The following UVRAG variants were observed in gnomAD, a reference collection of about 807,000 sequenced individuals.
UVRAG encodes the protein UV radiation resistance-associated gene protein.
A neutral mutation model predicts 78.0 loss-of-function variants in UVRAG; 19 were observed. That is an observed-to-expected ratio of 0.24 (90% CI 0.17 to 0.36). UVRAG has a LOEUF of 0.36. UVRAG is among the 10% of genes least tolerant of loss of function. The pLI is 1.00. For missense variants in UVRAG, 740 were observed against 853.8 expected (o/e 0.87, Z 1.66); for synonymous variants, 323 against 324.6 (o/e 1.00, Z 0.05).
intron 3 of UVRAG, among the ~76,000 whole-genome samples, chr11:75,875,891 T>C (rs1344141614): frequency 6.6e-6 from 1 of 152,176 alleles, no homozygotes; most frequent in African/African-American, 2.4e-5. Flanking sequence ...ATGCCAAAAC[T>C]GGCCACGTGC....
intron 12 of UVRAG, among the ~76,000 whole-genome samples, chr11:76,046,734 T>C (rs559475301): frequency 6.6e-6 from 1 of 152,198 alleles, no homozygotes; most frequent in South Asian, 2.1e-4. Flanking sequence ...TGTCAGTAGA[T>C]CATTTTTAAA....
At chr11:75,991,142 A>T (rs1949598314) in intron 8 of UVRAG, among the ~76,000 whole-genome samples, 1 of 152,196 alleles carries the variant, frequency 6.6e-6, no homozygotes, top group Non-Finnish European at 1.5e-5. Context: ...AAAATCATGA[A>T]GCATTATGAT....
intron 2 of UVRAG, among the ~76,000 whole-genome samples, chr11:75,853,362 C>A (rs1357054522): frequency 6.7e-6 from 1 of 149,448 alleles, no homozygotes; most frequent in Non-Finnish European, 1.5e-5. Flanking sequence ...TAATTCCCGC[C>A]CACCCCACCC....
chr11:76,126,221 G>A (rs1281407429), intron 14 of UVRAG, among the ~76,000 whole-genome samples: 8 of 151,920 alleles, frequency 5.3e-5, no homozygotes, highest in African/African-American at 1.5e-4. Context: ...GATTACAGGC[G>A]TGAGCCACCA....
At position 76,115,911 on chromosome 11, in the gene UVRAG, T is replaced by G; in HGVS notation, c.1306-13T>G. The G allele has an allele frequency of 6.2e-7, 1 of 1,613,110 alleles. No homozygotes were observed. Among genetic ancestry groups the G allele is most frequent in the Non-Finnish European group, 8.5e-7 (1 of 1,179,330 alleles). On this transcript the variant is annotated splice_polypyrimidine_tract_variant and intron_variant, in intron 13 of 14. Transcript: ENST00000356136. ...GCCAAAATATCTTTAATTCTATTTT[T>G]TCACCTTCACAGCTAAGATATCAAC...
chr11:76,057,850 G>C (rs963449636), intron 12 of UVRAG, among the ~76,000 whole-genome samples: 1 of 152,054 alleles, frequency 6.6e-6, no homozygotes, highest in Non-Finnish European at 1.5e-5. Context: ...CGATCATGGG[G>C]GAAAAATAGG....
intron 3 of UVRAG, among the ~76,000 whole-genome samples, chr11:75,869,151 C>T (rs1231351641): frequency 2.0e-5 from 3 of 152,200 alleles, no homozygotes; most frequent in Admixed American, 6.5e-5. Context: ...TTCCAGAGCC[C>T]TGCTGTTTTG....
intron 8 of UVRAG, among the ~76,000 whole-genome samples, chr11:75,988,925 G>A (rs896966154): frequency 6.6e-6 from 1 of 152,060 alleles, no homozygotes; most frequent in Admixed American, 6.6e-5. Context: ...GGGGATGGAT[G>A]GTAACGTTAT....
chr11:75,998,446 A>T (rs1163085660), intron 8 of UVRAG, among the ~76,000 whole-genome samples: 1 of 152,134 alleles, frequency 6.6e-6, no homozygotes, highest in Non-Finnish European at 1.5e-5. Flanking sequence ...ATATCCTCAG[A>T]TTTTCCTTCC....
chr11:76,045,860 A>T (rs1950743404), intron 12 of UVRAG, among the ~76,000 whole-genome samples: 1 of 152,196 alleles, frequency 6.6e-6, no homozygotes, highest in African/African-American at 2.4e-5. Context: ...TAATAATGCA[A>T]GAAAATTCTA....
intron 1 of UVRAG, among the ~76,000 whole-genome samples, chr11:75,820,690 C>T (rs1243199673): frequency 6.6e-6 from 1 of 152,160 alleles, no homozygotes; most frequent in African/African-American, 2.4e-5. Context: ...ACATATGGTA[C>T]ATTTGTTAGA....
At chr11:76,033,380 C>A (rs779841950) in intron 12 of UVRAG, among the ~76,000 whole-genome samples, 1 of 152,166 alleles carries the variant, frequency 6.6e-6, no homozygotes, top group East Asian at 1.9e-4. Flanking sequence ...CTAGTAGTCA[C>A]GATATTAATT....
At chr11:76,095,828 G>A (rs936351986) in intron 13 of UVRAG, among the ~76,000 whole-genome samples, 4 of 132,964 alleles carry the variant, frequency 3.0e-5, no homozygotes, top group African/African-American at 8.8e-5. Flanking sequence ...CTGTGATTAC[G>A]CCACTGCACT....
At chr11:75,844,193 T>A (rs1945981781) in intron 1 of UVRAG, among the ~76,000 whole-genome samples, 1 of 152,132 alleles carries the variant, frequency 6.6e-6, no homozygotes, top group Admixed American at 6.6e-5. Context: ...GTTGTTTGTA[T>A]TCTACCGTTA....
chr11:76,133,148 TTTA>T (rs1319018033), intron 14 of UVRAG, among the ~76,000 whole-genome samples: 3 of 152,214 alleles, frequency 2.0e-5, no homozygotes, highest in African/African-American at 7.2e-5. Flanking sequence ...TAGTTGCCGT[TTTA>T]TTATTATTAA....
rs545261705 is a variant in UVRAG, at chr11:76,009,248, T to C, written c.1060+381T>C. ...TTCTGTTATTATTTAGAAAGTCATA[T>C]TACTGCTGACCTGAAAAGTATTTGA... On this transcript the variant is annotated intron_variant, in intron 11 of 14. Transcript: ENST00000356136. Among the ~76,000 whole-genome samples the C allele has an allele frequency of 2.0e-5, 3 of 152,288 alleles. No homozygotes were observed. The East Asian group carries it at 5.8e-4, about 29-fold the overall frequency.
chr11:76,083,212 A>T (rs1190643934), intron 13 of UVRAG, among the ~76,000 whole-genome samples: 3 of 152,280 alleles, frequency 2.0e-5, no homozygotes, highest in Admixed American at 2.0e-4. Flanking sequence ...TTTTGTTATT[A>T]TCCTCATTTT....
intron 5 of UVRAG, among the ~76,000 whole-genome samples, chr11:75,908,238 C>T (rs1261155302): frequency 6.6e-6 from 1 of 152,148 alleles, no homozygotes; most frequent in East Asian, 1.9e-4. Flanking sequence ...AATGTTTTAG[C>T]GTGTGTCAGA....
At chr11:75,893,319 C>G (rs1271898417) in intron 5 of UVRAG, among the ~76,000 whole-genome samples, 1 of 151,722 alleles carries the variant, frequency 6.6e-6, no homozygotes, top group African/African-American at 2.4e-5. Context: ...GGCCACTCTG[C>G]CCAGAAGTAG....
Sources: allele counts gnomAD v4.1 joint callset (sites outside exome capture counted in the v4.1 genomes callset), GRCh38; gene constraint gnomAD v4.1.1; transcripts MANE v1.5; gene names NCBI Gene and HGNC (gene_info 2026-07-23, HGNC 2026-07-21).